The following HS6ST2 variants were observed in gnomAD, a reference collection of about 807,000 sequenced individuals.
The protein encoded by HS6ST2 is heparan-sulfate 6-O-sulfotransferase 2.
Under a neutral mutation model 33.0 loss-of-function variants are expected in HS6ST2, and 17 were observed. The observed-to-expected ratio is 0.52, with a 90% CI of 0.35 to 0.77. The LOEUF is 0.77. Ranked by LOEUF, HS6ST2 falls within the 30% of genes least tolerant of loss-of-function variation. HS6ST2 has a pLI of 0.01. For synonymous variants in HS6ST2, 248 were observed against 237.1 expected (o/e 1.05, Z -0.42); for missense variants, 519 against 551.7 (o/e 0.94, Z 0.59).
At chrX:132,657,178 G>A (rs757042572) in intron 4 of HS6ST2, among the ~76,000 whole-genome samples, 16 of 110,733 alleles carry the variant, frequency 1.4e-4, no homozygotes, top group Admixed American at 1.3e-3. Context: ...ATGAATGGTC[G>A]CACTGCCTCC....
intron 4 of HS6ST2, among the ~76,000 whole-genome samples, chrX:132,637,821 TATA>T (rs1315552348): frequency 1.6e-5 from 1 of 62,273 alleles, no homozygotes; most frequent in Admixed American, 2.7e-4. Flanking sequence ...ATTTTATATA[TATA>T]ATATTATATA....
intron 3 of HS6ST2, among the ~76,000 whole-genome samples, chrX:132,691,570 G>GCAAC (rs1412331274): frequency 9.0e-6 from 1 of 111,681 alleles, no homozygotes; most frequent in African/African-American, 3.3e-5. Flanking sequence ...TAAGCACAGC[G>GCAAC]CAACCCCAAA....
intron 3 of HS6ST2, among the ~76,000 whole-genome samples, chrX:132,704,114 C>G (rs5975347): frequency 0.13 from 14,894 of 111,734 alleles, 847 homozygotes; most frequent in East Asian, 0.26. Flanking sequence ...CCTGACCCAG[C>G]ATATGTGTAT....
chrX:132,853,469 T>A (rs1297095723), intron 2 of HS6ST2, among the ~76,000 whole-genome samples: 2 of 110,077 alleles, frequency 1.8e-5, no homozygotes, highest in Non-Finnish European at 3.8e-5. Context: ...CTACACAAAC[T>A]TTAAATCTGG....
At chrX:132,727,854 T>C (rs1172182434) in intron 2 of HS6ST2, among the ~76,000 whole-genome samples, 3 of 111,781 alleles carry the variant, frequency 2.7e-5, no homozygotes, top group African/African-American at 9.8e-5. Flanking sequence ...GATTTGTCTA[T>C]TGTGGATTAT....
At chrX:132,770,966 T>C (rs777217579) in intron 2 of HS6ST2, among the ~76,000 whole-genome samples, 1 of 112,033 alleles carries the variant, frequency 8.9e-6, no homozygotes, top group Non-Finnish European at 1.9e-5. Context: ...AGTGAAGTCT[T>C]ATGCAGCCAT....
At chrX:132,655,702 GA>G (rs2063725545) in intron 4 of HS6ST2, among the ~76,000 whole-genome samples, 1 of 110,900 alleles carries the variant, frequency 9.0e-6, no homozygotes, top group African/African-American at 3.3e-5. Flanking sequence ...GGTTGGGCCT[GA>G]TGATAACATT....
At chrX:132,946,633 G>A (rs1287636201) in intron 2 of HS6ST2, among the ~76,000 whole-genome samples, 2 of 111,311 alleles carry the variant, frequency 1.8e-5, no homozygotes, top group Non-Finnish European at 3.8e-5. Context: ...GAGGGGAGGC[G>A]GGAGGGATAG....
intron 2 of HS6ST2, among the ~76,000 whole-genome samples, chrX:132,883,657 C>T (rs1217412115): frequency 9.0e-6 from 1 of 111,109 alleles, no homozygotes; most frequent in Non-Finnish European, 1.9e-5. Context: ...TAAATAAAGA[C>T]TGCAACCAAC....
intron 3 of HS6ST2, among the ~76,000 whole-genome samples, chrX:132,678,139 C>T (rs772537369): frequency 3.6e-5 from 4 of 111,528 alleles, no homozygotes; most frequent in African/African-American, 6.5e-5. Context: ...GGATTGTTTG[C>T]GCTCAGGAGT....
intron 3 of HS6ST2, among the ~76,000 whole-genome samples, chrX:132,693,759 G>A (rs954640761): frequency 1.8e-5 from 2 of 111,157 alleles, no homozygotes; most frequent in Non-Finnish European, 3.8e-5. Flanking sequence ...TTCCAGTCTA[G>A]AAAGGGGATT....
chrX:132,865,211 A>G (rs1318868213), intron 2 of HS6ST2, among the ~76,000 whole-genome samples: 1 of 101,314 alleles, frequency 9.9e-6, no homozygotes, highest in East Asian at 3.2e-4. Context: ...CCCACCTATG[A>G]GTGAGAATAT....
intron 2 of HS6ST2, among the ~76,000 whole-genome samples, chrX:132,866,881 T>C (rs986326253): frequency 9.2e-6 from 1 of 108,230 alleles, no homozygotes; most frequent in African/African-American, 3.4e-5. Flanking sequence ...CATTTTGGGC[T>C]GAGACGATGG....
chrX:132,683,186 C>T (rs2063987891), intron 3 of HS6ST2, among the ~76,000 whole-genome samples: 1 of 111,517 alleles, frequency 9.0e-6, no homozygotes, highest in African/African-American at 3.3e-5. Context: ...TCTACTCATC[C>T]TTTGTATGCC....
chrX:132,637,901 AT>A (rs1364159445), intron 4 of HS6ST2, among the ~76,000 whole-genome samples: 507 of 49,893 alleles, frequency 0.01, 5 homozygotes, highest in African/African-American at 0.079. Context: ...TTTATATATA[AT>A]ATTATATATA....
chrX:132,952,392 A>G (rs940972237), intron 2 of HS6ST2, among the ~76,000 whole-genome samples: 11 of 111,180 alleles, frequency 9.9e-5, no homozygotes, highest in South Asian at 3.8e-4. Flanking sequence ...AGCCTGATGA[A>G]CCACACGACC....
intron 4 of HS6ST2, among the ~76,000 whole-genome samples, chrX:132,649,852 T>C (rs76467049): frequency 1.4e-5 from 1 of 72,703 alleles, no homozygotes; most frequent in African/African-American, 1.1e-4. Context: ...AGCGAGACTC[T>C]ATCTAAAAAA....
chrX:132,655,551 T>C (rs1432162306), intron 4 of HS6ST2, among the ~76,000 whole-genome samples: 1 of 111,139 alleles, frequency 9.0e-6, no homozygotes, highest in Non-Finnish European at 1.9e-5. Context: ...TTATCTATTT[T>C]GAAAGAATGA....
intron 2 of HS6ST2, among the ~76,000 whole-genome samples, chrX:132,873,771 G>A (rs1433865108): frequency 9.0e-6 from 1 of 111,378 alleles, no homozygotes; most frequent in African/African-American, 3.3e-5. Context: ...TTATGAACTT[G>A]TTAAGAATAG....
Sources: allele counts gnomAD v4.1 joint callset (sites outside exome capture counted in the v4.1 genomes callset), GRCh38; gene constraint gnomAD v4.1.1; transcripts MANE v1.5; gene names NCBI Gene and HGNC (gene_info 2026-07-23, HGNC 2026-07-21).